RBBP8: variants seen among roughly 807,000 people sequenced by gnomAD.
RBBP8 encodes RB binding protein 8, endonuclease.
A neutral mutation model predicts 108.3 loss-of-function variants in RBBP8; 88 were observed. That is an observed-to-expected ratio of 0.81 (90% CI 0.68 to 0.97). The LOEUF (loss-of-function observed/expected upper bound fraction) is 0.97, where lower values mean the gene tolerates loss of function less well. Ranked by LOEUF, RBBP8 falls within the 50% of genes least tolerant of loss-of-function variation. The pLI, the probability that RBBP8 is intolerant of heterozygous loss-of-function variation, is 0.00. For missense variants in RBBP8, 1,023 were observed against 1,049.0 expected, an observed-to-expected ratio of 0.98 and a Z score of 0.34; for synonymous variants, 332 against 348.2, an observed-to-expected ratio of 0.95 and a Z score of 0.52.
chr18:22,952,618 A>G (rs1912137588), intron 4 of RBBP8, among the ~76,000 whole-genome samples: 1 of 152,218 alleles, frequency 6.6e-6, no homozygotes, highest in Non-Finnish European at 1.5e-5. Context: ...TATATAACAC[A>G]GCCATGTCTA....
At chr18:22,976,613 G>A (rs1489546512) in intron 6 of RBBP8, among the ~76,000 whole-genome samples, 3 of 151,986 alleles carry the variant, frequency 2.0e-5, no homozygotes, top group Non-Finnish European at 2.9e-5. Context: ...TATATGTTCT[G>A]TATTACTGTA....
In RBBP8 at chr18:22,982,343, G is replaced by T. The variant is rs772914535; in HGVS notation, c.554G>T (p.Arg185Leu). 2 of 1,614,126 alleles carry T rather than the reference G, an allele frequency of 1.2e-6. No homozygotes were observed. The highest frequency in any genetic ancestry group is 1.1e-5 in the South Asian group (1 of 91,076). ...CGAAGAAAGGAGAACCCCCATGTCC[G>T]ATACATAGAACAAACACATACTAAA... ...RLRRKENPHV[R>L]YIEQTHTKLE... Residue 185 changes from arginine (R) to leucine (L), a missense_variant, in exon 7 of 19, where the codon CGA becomes CTA. Physicochemically the swap from Arg to Leu is moderately radical, Grantham distance 102. Coordinates refer to ENST00000327155, the MANE Select transcript of RBBP8 (RefSeq NM_002894.3).
intron 17 of RBBP8, among the ~76,000 whole-genome samples, chr18:23,019,984 G>C (rs183552089): frequency 6.6e-6 from 1 of 151,412 alleles, no homozygotes; most frequent in Non-Finnish European, 1.5e-5. Flanking sequence ...GGATGGTCTC[G>C]ATCTCCTGAC....
At chr18:22,972,093 C>CGTGA (rs1914139572) in intron 5 of RBBP8, among the ~76,000 whole-genome samples, 1 of 151,038 alleles carries the variant, frequency 6.6e-6, no homozygotes, top group African/African-American at 2.4e-5. Flanking sequence ...CGTTGGCTCA[C>CGTGA]GCCTGTAATC....
intron 10 of RBBP8, 110 bp from the exon 11 acceptor site, chr18:22,992,638 G>A (rs1419179013): frequency 5.8e-6 from 5 of 863,938 alleles, no homozygotes; most frequent in Non-Finnish European, 8.9e-6. Context: ...ATGAAGAGAA[G>A]CCAAAAGCTG....
intron 3 of RBBP8, among the ~76,000 whole-genome samples, chr18:22,928,102 G>A (rs1909860593): frequency 6.6e-6 from 1 of 151,116 alleles, no homozygotes; most frequent in Non-Finnish European, 1.5e-5. Context: ...TCGGGAGACT[G>A]AGGCATGAGG....
chr18:22,968,629 TG>T (rs1913824159), intron 4 of RBBP8, among the ~76,000 whole-genome samples, 176 bp from the exon 5 acceptor site: 1 of 152,176 alleles, frequency 6.6e-6, no homozygotes, highest in Admixed American at 6.5e-5. Flanking sequence ...AAGAAAATGG[TG>T]GTATAACATG....
At chr18:22,955,528 G>A (rs1242197252) in intron 4 of RBBP8, among the ~76,000 whole-genome samples, 1 of 151,950 alleles carries the variant, frequency 6.6e-6, no homozygotes, top group Non-Finnish European at 1.5e-5. Context: ...CTGGCAAAGA[G>A]CAAAGAAGCT....
chr18:22,917,813 A>G (rs990034995), intron 3 of RBBP8, among the ~76,000 whole-genome samples: 3 of 152,102 alleles, frequency 2.0e-5, no homozygotes, highest in Non-Finnish European at 4.4e-5. Flanking sequence ...AGCCTGGCCA[A>G]TATGATGAAA....
intron 18 of RBBP8, among the ~76,000 whole-genome samples, chr18:23,023,717 A>G (rs1037983395): frequency 1.3e-5 from 2 of 152,098 alleles, no homozygotes; most frequent in Non-Finnish European, 2.9e-5. Flanking sequence ...CTTTATTGTA[A>G]TCATTGGTTT....
At chr18:22,973,455 C>G (rs946002734) in intron 5 of RBBP8, among the ~76,000 whole-genome samples, 4 of 152,146 alleles carry the variant, frequency 2.6e-5, no homozygotes, top group Non-Finnish European at 2.9e-5. Flanking sequence ...GGATGAGTTG[C>G]CAAATACTAT....
intron 3 of RBBP8, among the ~76,000 whole-genome samples, chr18:22,917,797 G>C (rs1246137557): frequency 6.6e-6 from 1 of 151,946 alleles, no homozygotes; most frequent in Admixed American, 6.6e-5. Context: ...TCAGGTGTTC[G>C]AGACAAGCCT....
chr18:22,966,719 CTTTTTTTTT>C (rs796853895), intron 4 of RBBP8, among the ~76,000 whole-genome samples: 16 of 128,108 alleles, frequency 1.2e-4, no homozygotes, highest in Non-Finnish European at 1.5e-4. Flanking sequence ...TACTTACTAT[CTTTTTTTTT>C]TTTTTTTTTT....
At chr18:22,924,153 G>A (rs545532142) in intron 3 of RBBP8, among the ~76,000 whole-genome samples, 27 of 112,040 alleles carry the variant, frequency 2.4e-4, no homozygotes, top group Non-Finnish European at 3.3e-4. Context: ...TTTTTGAGAC[G>A]GAGTCTCACT....
At chr18:22,975,349 T>G in intron 6 of RBBP8, 130 bp downstream of exon 6, 1 of 1,360,490 alleles carries the variant, frequency 7.4e-7, no homozygotes, top group Non-Finnish European at 9.9e-7. Flanking sequence ...ACAAAGAAAA[T>G]CACTACATTT....
At chr18:22,944,053 C>T (rs1911332986) in intron 2 of RBBP8, among the ~76,000 whole-genome samples, 2 of 152,170 alleles carry the variant, frequency 1.3e-5, no homozygotes, top group Admixed American at 6.5e-5. Flanking sequence ...AACAGATTAC[C>T]TGTTCATACA....
rs1235985491 is a variant in RBBP8, at chr18:23,000,037, G to A, written c.2144-1549G>A. On this transcript the variant is annotated intron_variant, in intron 14 of 18. Coordinates refer to ENST00000327155, the MANE Select transcript of RBBP8 (RefSeq NM_002894.3). ...AATATCAAGCAAAAATTTTGTAGTA[G>A]GAAGTATTTTAGGAACTAGAGATAA... 5.3e-5 allele frequency among the ~76,000 whole-genome samples: 8 copies of A among 152,196 alleles called. No homozygotes were observed. In the East Asian group the frequency reaches 1.5e-3, roughly 29 times the overall value.
In RBBP8 at chr18:22,927,120, TAA is replaced by T. The variant is rs775828217; in HGVS notation, c.-153-2261_-153-2260del. On this transcript the variant is annotated intron_variant, in intron 3 of 4. Transcript: ENST00000577588. The stretch of plus-strand genomic sequence containing the variant: ...CAGTTAAGATACTTTTCTTTTGTCT[TAA>T]AGTTTCTTTCCCTCACCTCTCAAAC... Among the ~76,000 whole-genome samples the T allele has an allele frequency of 6.0e-4, 91 of 152,332 alleles. 1 individual carries two copies. The East Asian group carries it at 0.017, about 28-fold the overall frequency.
intron 2 of RBBP8, among the ~76,000 whole-genome samples, chr18:22,940,320 CTTTTTT>C (rs146953584): frequency 4.5e-5 from 5 of 110,304 alleles, no homozygotes; most frequent in Admixed American, 1.8e-4. Context: ...TTCTATATTT[CTTTTTT>C]TTTTTTTTTT....
Sources: gnomAD v4.1 joint callset for allele counts (sites outside exome capture counted in the v4.1 genomes callset) on GRCh38, gnomAD v4.1.1 for gene constraint, MANE v1.5 for transcripts, NCBI Gene and HGNC (gene_info 2026-07-23, HGNC 2026-07-21) for gene names.